The following SORL1 variants were observed in gnomAD, a reference collection of about 807,000 sequenced individuals.
The protein encoded by SORL1 is sortilin-related receptor.
A neutral mutation model predicts 273.7 loss-of-function variants in SORL1; 127 were observed. That is an observed-to-expected ratio of 0.46 (90% confidence interval 0.40 to 0.54). The LOEUF is 0.54. SORL1 is among the 20% of genes least tolerant of loss of function. The pLI is 0.00. For missense variants in SORL1, 2,494 were observed against 2,846.1 expected, an observed-to-expected ratio of 0.88 and a Z score of 2.81; for synonymous variants, 1,031 against 1,067.4, an observed-to-expected ratio of 0.97 and a Z score of 0.66.
At chr11:121,575,613 T>A (rs1428356406) in intron 24 of SORL1, among the ~76,000 whole-genome samples, 1 of 152,262 alleles carries the variant, frequency 6.6e-6, no homozygotes, top group Non-Finnish European at 1.5e-5. Context: ...GAGCAGAGCC[T>A]AGGCCATTTC....
Position 121,522,709 on chromosome 11 carries a change from T to C in SORL1, c.1522+6T>C. 1 of 1,601,202 alleles carries C rather than the reference T, an allele frequency of 6.2e-7. No individual in the cohort carries two copies. The highest frequency in any genetic ancestry group is 8.6e-7 in the Non-Finnish European group (1 of 1,168,258). On this transcript the variant is annotated splice_donor_region_variant and intron_variant, in intron 10 of 47. Transcript: ENST00000260197. ...AGGCCTCATCATCGCCACTGGTAAG[T>C]GTGCTTGCCTGTTCTCAAAAGGGGT...
At chr11:121,580,604 CTTTTTTTT>C (rs11404598) in intron 25 of SORL1, among the ~76,000 whole-genome samples, 1 of 115,530 alleles carries the variant, frequency 8.7e-6, no homozygotes, top group East Asian at 2.5e-4. Flanking sequence ...CATGCACTTA[CTTTTTTTT>C]TTTTTTTTTT....
intron 5 of SORL1, among the ~76,000 whole-genome samples, chr11:121,490,717 G>A (rs1387996811): frequency 1.2e-4 from 18 of 148,264 alleles, no homozygotes; most frequent in Non-Finnish European, 2.7e-4. Flanking sequence ...CTGCAGCCTG[G>A]GCGATACAGT....
intron 1 of SORL1, among the ~76,000 whole-genome samples, chr11:121,453,315 C>T (rs139365007): frequency 8.5e-5 from 13 of 152,214 alleles, no homozygotes; most frequent in African/African-American, 1.2e-4. Context: ...CATTATTATT[C>T]TATAAGTGAT....
At chr11:121,625,378 A>G in intron 46 of SORL1, 101 bp downstream of exon 46, 2 of 962,096 alleles carry the variant, frequency 2.1e-6, no homozygotes, top group South Asian at 1.7e-5. Flanking sequence ...CACATGGAAG[A>G]TATTCTCAGC....
At chr11:121,628,332 A>T (rs1407618364) in intron 47 of SORL1, among the ~76,000 whole-genome samples, 2 of 152,044 alleles carry the variant, frequency 1.3e-5, no homozygotes, top group Non-Finnish European at 2.9e-5. Flanking sequence ...GGGTTGGGGG[A>T]TGATTTCAGG....
chr11:121,582,024 T>C (rs899347747), intron 25 of SORL1, among the ~76,000 whole-genome samples: 1 of 152,198 alleles, frequency 6.6e-6, no homozygotes, highest in African/African-American at 2.4e-5. Context: ...ATAAGTATAG[T>C]TTTTAAAGAT....
chr11:121,582,465 G>A (rs902867395), intron 25 of SORL1, among the ~76,000 whole-genome samples: 2 of 152,246 alleles, frequency 1.3e-5, no homozygotes, highest in Non-Finnish European at 2.9e-5. Flanking sequence ...CTTGCATTCA[G>A]CAATGAACAG....
At position 121,452,588 on chromosome 11, in the gene SORL1, A is replaced by G. The variant is rs774177280; in HGVS notation, c.257A>G (p.Gln86Arg). ...PLRRKRSAAL[Q>R]PEPIKVYGQV... ...CGGAGGAAACGGAGCGCTGCCCTGC[A>G]GCCCGAGCCCATCAAGGTGTACGGA... The change falls in exon 1 of 48, where the codon CAG (glutamine) becomes CGG (arginine). Residue 86 changes from glutamine to arginine, a missense_variant. This residue lies in a region of SORL1 where 175 missense variants were observed against 147.1 expected (regional missense o/e 1.19). Coordinates refer to ENST00000260197, the MANE Select transcript of SORL1 (RefSeq NM_003105.6). The surrounding 1 kb of genome is among the most constrained non-coding windows in gnomAD (Gnocchi z 5.3). 3 of 1,522,056 alleles carry G rather than the reference A, an allele frequency of 2.0e-6. No homozygotes were observed. The highest frequency in any genetic ancestry group is 2.9e-5 in the African/African-American group (2 of 69,728). The allele number at this position is 1,522,056 out of a possible 1,614,324, so 94.3% of individuals were successfully genotyped here.
chr11:121,485,360 A>C (rs1448028250), intron 3 of SORL1, among the ~76,000 whole-genome samples: 1 of 152,200 alleles, frequency 6.6e-6, no homozygotes, highest in African/African-American at 2.4e-5. Flanking sequence ...AGATGTGAAC[A>C]TGTGAACCAG....
intron 16 of SORL1, 39 bp from the exon 17 acceptor site, chr11:121,553,898 C>G: frequency 6.3e-7 from 1 of 1,591,268 alleles, no homozygotes; most frequent in Non-Finnish European, 8.6e-7. Flanking sequence ...TTCAGCATCC[C>G]CTGGGTCCAA....
chr11:121,561,221 G>A (rs891626988), intron 21 of SORL1, among the ~76,000 whole-genome samples: 4 of 152,204 alleles, frequency 2.6e-5, no homozygotes, highest in African/African-American at 9.7e-5. Flanking sequence ...GAAACACTGT[G>A]TGCAGATGAA....
In SORL1 at chr11:121,583,578, A is replaced by G; in HGVS notation, c.3701A>G (p.Asn1234Ser). ...CQDGSDEDPV[N>S]CEKKCNGFRC... is the part of the protein sequence containing the mutation. ...GATGGTTCCGATGAGGATCCAGTCA[A>G]CTGTGGTAAATGCAAATTCCCCAGC... The change falls in exon 26 of 48, where the codon AAC becomes AGC. Residue 1234 changes from asparagine (N) to serine (S), a missense_variant. Physicochemically the swap from Asn to Ser is conservative, Grantham distance 46. Coordinates refer to ENST00000260197, the MANE Select transcript of SORL1 (RefSeq NM_003105.6). 1 of 1,607,176 alleles carries G rather than the reference A, an allele frequency of 6.2e-7. No homozygotes were observed. Among genetic ancestry groups the G allele is most frequent in the Non-Finnish European group, 8.5e-7 (1 of 1,176,790 alleles).
chr11:121,499,282 T>C (rs1375091565), intron 6 of SORL1, among the ~76,000 whole-genome samples: 1 of 152,172 alleles, frequency 6.6e-6, no homozygotes, highest in Non-Finnish European at 1.5e-5. Context: ...CTTCTGCACA[T>C]GGATGAGCCA....
chr11:121,464,607 C>T (rs866440796), intron 1 of SORL1, among the ~76,000 whole-genome samples: 5 of 152,292 alleles, frequency 3.3e-5, no homozygotes, highest in Middle Eastern at 3.4e-3. Flanking sequence ...TTCACCTCTC[C>T]GGGTTGCCAG....
At chr11:121,456,143 C>T (rs1035311830) in intron 1 of SORL1, among the ~76,000 whole-genome samples, 3 of 152,190 alleles carry the variant, frequency 2.0e-5, no homozygotes, top group African/African-American at 4.8e-5. Flanking sequence ...CTGCTTTTTC[C>T]TCTGCCTGAA....
intron 11 of SORL1, among the ~76,000 whole-genome samples, chr11:121,527,056 T>C (rs926165664): frequency 9.2e-5 from 14 of 152,126 alleles, no homozygotes; most frequent in African/African-American, 2.2e-4. Flanking sequence ...CAGTATTGAA[T>C]AGAAGTAGTG....
chr11:121,482,989 AC>A (rs1861417079), intron 3 of SORL1, among the ~76,000 whole-genome samples: 1 of 152,196 alleles, frequency 6.6e-6, no homozygotes, highest in South Asian at 2.1e-4. Flanking sequence ...GCTGCCCTGA[AC>A]CATTGTGCAG....
chr11:121,553,588 C>A (rs138399392), intron 16 of SORL1, among the ~76,000 whole-genome samples: 1 of 152,090 alleles, frequency 6.6e-6, no homozygotes, highest in South Asian at 2.1e-4. Flanking sequence ...GAGAACAGGG[C>A]GATTGGTGTA....
Sources: allele counts gnomAD v4.1 joint callset (sites outside exome capture counted in the v4.1 genomes callset), GRCh38; gene constraint gnomAD v4.1.1; regional missense constraint gnomAD v4.1.1; non-coding constraint Gnocchi (gnomAD v3.1); transcripts MANE v1.5; gene names NCBI Gene and HGNC (gene_info 2026-07-23, HGNC 2026-07-21).